The following USP9X variants were observed in gnomAD, a reference collection of about 807,000 sequenced individuals.
USP9X encodes ubiquitin carboxyl-terminal hydrolase 9X.
USP9X carries 7 observed loss-of-function variants against 190.3 expected under a neutral mutation model. The ratio of observed to expected loss-of-function variants is 0.04; its 90% CI spans 0.02 to 0.07. The LOEUF (loss-of-function observed/expected upper bound fraction) is 0.07. Ranked by LOEUF, USP9X falls within the 10% of genes least tolerant of loss-of-function variation. USP9X has a pLI of 1.00. For synonymous variants in USP9X, 645 were observed against 659.5 expected, an observed-to-expected ratio of 0.98 and a Z score of 0.34; for missense variants, 1,010 against 1,916.9, an observed-to-expected ratio of 0.53 and a Z score of 8.83.
intron 6 of USP9X, among the ~76,000 whole-genome samples, chrX:41,139,728 A>G (rs971358706): frequency 8.9e-6 from 1 of 112,204 alleles, no homozygotes; most frequent in Non-Finnish European, 1.9e-5. Context: ...AACATTGAAC[A>G]TACAGCCATT....
chrX:41,133,398 G>A (rs974420396), intron 4 of USP9X, among the ~76,000 whole-genome samples: 1 of 110,303 alleles, frequency 9.1e-6, no homozygotes, highest in Non-Finnish European at 1.9e-5. Context: ...ATATATTTTG[G>A]GGTAATGAGA....
chrX:41,216,138 A>G lies in USP9X; in HGVS notation c.5571A>G (p.Thr1857=), dbSNP rs772810335. 5 of 1,211,858 alleles carry G rather than the reference A, an allele frequency of 4.1e-6. No individual in the cohort carries two copies. Among genetic ancestry groups the G allele is most frequent in the Non-Finnish European group, 5.6e-6 (5 of 895,582 alleles). The change falls in exon 35 of 45, where the codon ACA becomes ACG. Residue 1857 remains threonine (T), a synonymous_variant. Transcript: ENST00000378308. ...AGAGTGAGCAGTCTGAAAGTGAGAC[A>G]GCAGGAAGCACAAAATACAGACTTG... The part of the protein sequence containing the change: ...IQQSEQSESE[T]AGSTKYRLVG...
Position 41,151,170 on chromosome X carries a change from G to A in USP9X, c.1763+113G>A, listed in dbSNP as rs1348220915. ...TTTTTAAATTAGTGGAGTGAGAAGAGGCTATATAAGAAGTGTTTGGAACAA... is the reference window on the plus strand; with the variant it reads ...TTTTTAAATTAGTGGAGTGAGAAGAAGCTATATAAGAAGTGTTTGGAACAA... On this transcript the variant is annotated intron_variant, in intron 13 of 44. Transcript: ENST00000378308. The A allele has an allele frequency of 4.1e-6, 3 of 738,791 alleles. No homozygotes were observed. In the East Asian group the frequency reaches 1.1e-4, roughly 27 times the overall value. 60.9% of individuals were successfully genotyped at this position (738,791 alleles called of 1,213,427 possible).
intron 11 of USP9X, among the ~76,000 whole-genome samples, chrX:41,145,613 A>G (rs2062457441): frequency 8.9e-6 from 1 of 112,210 alleles, no homozygotes; most frequent in African/African-American, 3.2e-5. Context: ...CACCTTGATT[A>G]CATTAATGTA....
chrX:41,201,372 C>T (rs953493575), intron 31 of USP9X, 92 bp downstream of exon 31: 4 of 882,308 alleles, frequency 4.5e-6, no homozygotes, highest in Admixed American at 2.6e-5. Flanking sequence ...TTTCATCAAA[C>T]GTATTAAAGT....
Position 41,201,184 on chromosome X carries a change from C to T in USP9X, c.4728C>T (p.Tyr1576=), listed in dbSNP as rs2063038233. The T allele has an allele frequency of 8.3e-7, 1 of 1,209,726 alleles. No homozygotes were observed. The highest frequency in any genetic ancestry group is 1.8e-5 in the African/African-American group (1 of 57,101). The change falls in exon 31 of 45, where the codon TAC becomes TAT. Residue 1576 remains tyrosine (Y), a synonymous_variant. Coordinates refer to ENST00000378308, the MANE Select transcript of USP9X (RefSeq NM_001039591.3). ...TGAATTCTGTGATTCAGCAACTCTA[C>T]ATGATTCCTTCCATTAGGAACGGTA... ...CYMNSVIQQL[Y]MIPSIRNGIL...
At position 41,121,294 on chromosome X, in the gene USP9X, A is replaced by C. The variant is rs185323964; in HGVS notation, c.-158-2177A>C. On this transcript the variant is annotated intron_variant, in intron 1 of 44. Transcript: ENST00000378308. ...AATGATAGAGAACTTGAAGAGGAAG[A>C]AGTCTTAGAGTCAGATGTGAATTAG... Among the ~76,000 whole-genome samples the C allele has an allele frequency of 2.7e-5, 3 of 111,606 alleles. No homozygotes were observed. In the East Asian group the frequency reaches 8.4e-4, roughly 31 times the overall value.
chrX:41,191,147 G>A (rs1404497826), intron 26 of USP9X, among the ~76,000 whole-genome samples: 4 of 109,869 alleles, frequency 3.6e-5, no homozygotes, highest in African/African-American at 1.3e-4. Context: ...GGCCAACATG[G>A]TGAAACCTCG....
At chrX:41,132,364 C>A (rs1601958491) in intron 4 of USP9X, among the ~76,000 whole-genome samples, 1 of 92,131 alleles carries the variant, frequency 1.1e-5, no homozygotes, top group African/African-American at 4.3e-5. Context: ...AGTGCAGTGG[C>A]GTGATCTTGG....
intron 31 of USP9X, 131 bp from the exon 32 acceptor site, chrX:41,205,172 T>C (rs1254816387): frequency 2.0e-6 from 1 of 509,222 alleles, no homozygotes; most frequent in Non-Finnish European, 3.1e-6. Context: ...TAACTAAAAA[T>C]TTATAAATTG....
chrX:41,153,809 G>A (rs181995400), intron 14 of USP9X, among the ~76,000 whole-genome samples: 4 of 111,691 alleles, frequency 3.6e-5, no homozygotes, highest in South Asian at 3.7e-4. Context: ...TTTGTTTCCC[G>A]AGCAGTATGT....
chrX:41,106,601 G>C (rs1415043995), intron 1 of USP9X, among the ~76,000 whole-genome samples: 1 of 93,706 alleles, frequency 1.1e-5, no homozygotes, highest in Non-Finnish European at 2.0e-5. Context: ...CGCGATCTTG[G>C]CTCACTGCAA....
chrX:41,161,635 C>CTTTTTTTTTTTTTTTTTTTTTTTTTT lies in USP9X; in HGVS notation c.1898-1132_1898-1131insTTTTTTTTTTTTTTTTTTTTTTTTTT, dbSNP rs759623425. On this transcript the variant is annotated intron_variant, in intron 14 of 44. Transcript: ENST00000378308. The stretch of plus-strand genomic sequence containing the variant: ...ACAGGCGTGAGCCATGGCGCCCTGC[C>CTTTTTTTTTTTTTTTTTTTTTTTTTT]TTTTTTTTTTTTTTTTTTTTTTTAA... Among the ~76,000 whole-genome samples the CTTTTTTTTTTTTTTTTTTTTTTTTTT allele has an allele frequency of 1.3e-4, 6 of 47,412 alleles. 1 individual carries two copies. The highest frequency in any genetic ancestry group is 1.7e-4 in the Non-Finnish European group (5 of 29,136). 41.2% of individuals were successfully genotyped at this position (47,412 alleles called of 115,157 possible). A position where few individuals can be genotyped will look rare whatever the true frequency, so the allele number is the denominator to read the frequency against.
At chrX:41,221,747 A>G (rs1314797800) in intron 38 of USP9X, among the ~76,000 whole-genome samples, 1 of 111,409 alleles carries the variant, frequency 9.0e-6, no homozygotes, top group Non-Finnish European at 1.9e-5. Context: ...TAGAAAGAGC[A>G]CTGTGGCCAC....
At chrX:41,112,213 T>G (rs1265161803) in intron 1 of USP9X, among the ~76,000 whole-genome samples, 2 of 112,453 alleles carry the variant, frequency 1.8e-5, no homozygotes, top group Non-Finnish European at 3.8e-5. Context: ...AGTGATGATT[T>G]TTAATACCGA....
intron 26 of USP9X, among the ~76,000 whole-genome samples, chrX:41,194,548 C>CT (rs756911968): frequency 1.8e-5 from 2 of 110,920 alleles, no homozygotes; most frequent in Admixed American, 1.9e-4. Context: ...GAGCGAAACT[C>CT]TGTGTCAATA....
intron 38 of USP9X, among the ~76,000 whole-genome samples, chrX:41,219,778 A>C (rs2063244618): frequency 1.8e-5 from 2 of 112,276 alleles, no homozygotes; most frequent in African/African-American, 6.5e-5. Flanking sequence ...GCTTGAGCCC[A>C]GGAGACTAAC....
At chrX:41,113,195 C>T (rs113729754) in intron 1 of USP9X, among the ~76,000 whole-genome samples, 2 of 111,413 alleles carry the variant, frequency 1.8e-5, no homozygotes, top group East Asian at 2.8e-4. Flanking sequence ...CTTAAAAATA[C>T]GTTTTTTTGT....
chrX:41,215,566 AC>A (rs1295819925), intron 34 of USP9X, among the ~76,000 whole-genome samples: 2 of 112,651 alleles, frequency 1.8e-5, no homozygotes, highest in African/African-American at 3.2e-5. Flanking sequence ...CATCTGAATT[AC>A]CCAACAAATA....
Sources: gnomAD v4.1 joint callset for allele counts (sites outside exome capture counted in the v4.1 genomes callset) on GRCh38, gnomAD v4.1.1 for gene constraint, MANE v1.5 for transcripts, NCBI Gene and HGNC (gene_info 2026-07-23, HGNC 2026-07-21) for gene names.